Variants in PLCE1 observed in about 807,000 individuals in gnomAD.
The protein encoded by PLCE1 is 1-phosphatidylinositol 4,5-bisphosphate phosphodiesterase epsilon-1.
A neutral mutation model predicts 242.8 loss-of-function variants in PLCE1; 119 were observed. That is an observed-to-expected ratio of 0.49 (90% CI 0.42 to 0.57). The LOEUF is 0.57. Among genes scored for constraint, PLCE1 ranks in the 20% least tolerant of loss-of-function variants. The probability of loss-of-function intolerance (pLI) is 0.00; values close to 1 mark genes in which losing one functional copy is unlikely to be tolerated. For missense variants in PLCE1, 2,441 were observed against 2,788.8 expected (o/e 0.88, Z 2.81); for synonymous variants, 945 against 1,017.4 (o/e 0.93, Z 1.35).
chr10:94,309,507 A>G (rs529554960), intron 27 of PLCE1, among the ~76,000 whole-genome samples: 2 of 152,158 alleles, frequency 1.3e-5, no homozygotes, highest in South Asian at 2.1e-4. Flanking sequence ...ATGTTTTTCT[A>G]TAGAGATGGG....
intron 5 of PLCE1, among the ~76,000 whole-genome samples, chr10:94,233,681 C>T (rs575004275): frequency 1.1e-3 from 162 of 152,298 alleles, no homozygotes; most frequent in Admixed American, 1.8e-3. Flanking sequence ...GGCGCGGTGG[C>T]TCATGCCTGT....
intron 15 of PLCE1, 33 bp from the exon 16 acceptor site, chr10:94,265,760 C>A: frequency 6.2e-7 from 1 of 1,613,416 alleles, no homozygotes; most frequent in Non-Finnish European, 8.5e-7. Context: ...TGCATTTTTC[C>A]CATGCAGTCT....
At chr10:94,215,953 G>A (rs991587298) in intron 4 of PLCE1, among the ~76,000 whole-genome samples, 1 of 152,026 alleles carries the variant, frequency 6.6e-6, no homozygotes, top group Non-Finnish European at 1.5e-5. Flanking sequence ...CCAAGACAGA[G>A]CCACAAGAAA....
intron 4 of PLCE1, among the ~76,000 whole-genome samples, chr10:94,221,051 C>T (rs2049726254): frequency 6.6e-6 from 1 of 152,204 alleles, no homozygotes; most frequent in Non-Finnish European, 1.5e-5. Flanking sequence ...GAAATGACGC[C>T]TGATCTGACT....
At chr10:94,229,112 T>G (rs1036886858) in intron 5 of PLCE1, among the ~76,000 whole-genome samples, 58 of 149,344 alleles carry the variant, frequency 3.9e-4, no homozygotes, top group African/African-American at 1.3e-3. Context: ...AACCAGGAGG[T>G]GGAGGTTGCA....
chr10:94,020,054 G>A (rs1284155013), intron 1 of PLCE1, among the ~76,000 whole-genome samples: 2 of 152,114 alleles, frequency 1.3e-5, no homozygotes, highest in East Asian at 3.9e-4. Flanking sequence ...ATGTATTTAA[G>A]TATATGCTTA....
chr10:94,096,486 G>T (rs1424651136), intron 2 of PLCE1: 1 of 152,082 alleles, frequency 6.6e-6, no homozygotes, highest in African/African-American at 2.4e-5. Flanking sequence ...GAAAAAGGGG[G>T]AAAAGCCCTT....
chr10:94,031,760 G>A lies in PLCE1; in HGVS notation c.714G>A (p.Met238Ile). 1 of 1,613,716 alleles carries A rather than the reference G, an allele frequency of 6.2e-7. No homozygotes were observed. Among genetic ancestry groups the A allele is most frequent in the Non-Finnish European group, 8.5e-7 (1 of 1,179,862 alleles). ...ATGTGGCATATACCTGTAAACTGAT[G>A]GAATTGGCCAAAAATTGTGATAATA... ...KNYVAYTCKL[M>I]ELAKNCDNKN... Residue 238 changes from methionine to isoleucine, a missense_variant, in exon 2 of 33, where the codon ATG becomes ATA. By Grantham distance (10) the Met-to-Ile change is conservative. Transcript: ENST00000371380.
intron 3 of PLCE1, among the ~76,000 whole-genome samples, chr10:94,148,258 G>C (rs796350631): frequency 5.9e-5 from 9 of 152,272 alleles, no homozygotes; most frequent in African/African-American, 2.2e-4. Flanking sequence ...AAGAACAAAG[G>C]CTTAGATGCA....
chr10:94,128,669 TTCTCTC>T (rs1474434247), intron 2 of PLCE1, among the ~76,000 whole-genome samples: 1 of 152,242 alleles, frequency 6.6e-6, no homozygotes, highest in African/African-American at 2.4e-5. Context: ...GACTATGGCT[TTCTCTC>T]TATCCTCAGC....
At chr10:94,223,583 G>A (rs1479521983) in intron 4 of PLCE1, among the ~76,000 whole-genome samples, 2 of 152,136 alleles carry the variant, frequency 1.3e-5, no homozygotes, top group East Asian at 1.9e-4. Flanking sequence ...ACTGAGAAAA[G>A]CAAAAGGAAG....
intron 4 of PLCE1, among the ~76,000 whole-genome samples, chr10:94,197,968 G>A (rs936555547): frequency 3.5e-4 from 35 of 99,410 alleles, no homozygotes; most frequent in South Asian, 3.8e-4. Flanking sequence ...GGGTGACAGA[G>A]CAAGACTCTG....
At chr10:94,187,520 C>T (rs149620024) in intron 4 of PLCE1, among the ~76,000 whole-genome samples, 215 of 152,162 alleles carry the variant, frequency 1.4e-3, no homozygotes, top group Admixed American at 3.2e-3. Flanking sequence ...ACTGGATACC[C>T]GATGGCTCGG....
intron 4 of PLCE1, among the ~76,000 whole-genome samples, chr10:94,182,470 A>T (rs1324251251): frequency 6.7e-6 from 1 of 149,346 alleles, no homozygotes; most frequent in Non-Finnish European, 1.5e-5. Flanking sequence ...GGGTTTCACC[A>T]TGTTGGCCAG....
At chr10:94,223,234 A>C (rs1031662890) in intron 4 of PLCE1, among the ~76,000 whole-genome samples, 6 of 33,890 alleles carry the variant, frequency 1.8e-4, no homozygotes, top group African/African-American at 5.7e-4. Context: ...CCATCTCTAC[A>C]AAAAAAAAAA....
Position 94,285,241 on chromosome 10 carries a change from A to G in PLCE1, c.5035+276A>G, listed in dbSNP as rs80063146. Among the ~76,000 whole-genome samples, 3,679 of 152,266 alleles carry G rather than the reference A, an allele frequency of 0.024. 167 individuals are homozygous for G. Among genetic ancestry groups the G allele is most frequent in the African/African-American group, 0.084 (3,488 of 41,544 alleles). ...AATACTCATAATTTCTAATTGCTAA[A>G]TGTATTAAATACTTAAGTACTAGGA... On this transcript the variant is annotated intron_variant, in intron 22 of 32. Transcript: ENST00000371380.
chr10:94,067,966 T>G (rs114424649), intron 2 of PLCE1, among the ~76,000 whole-genome samples: 3,336 of 152,200 alleles, frequency 0.022, 112 homozygotes, highest in African/African-American at 0.065. Context: ...TAACCAGCAC[T>G]CCTAAGATAG....
At chr10:94,221,491 C>G (rs758840551) in intron 4 of PLCE1, among the ~76,000 whole-genome samples, 8 of 152,226 alleles carry the variant, frequency 5.3e-5, no homozygotes, top group Non-Finnish European at 8.8e-5. Context: ...AATCCCAGCA[C>G]TTTGGGAGGC....
At chr10:94,002,190 G>A (rs1265298491) in intron 1 of PLCE1, among the ~76,000 whole-genome samples, 1 of 152,138 alleles carries the variant, frequency 6.6e-6, no homozygotes, top group African/African-American at 2.4e-5. Flanking sequence ...AGCTATATAA[G>A]TTTGCAAAAA....
Sources: allele counts gnomAD v4.1 joint callset (sites outside exome capture counted in the v4.1 genomes callset), GRCh38; gene constraint gnomAD v4.1.1; transcripts MANE v1.5; gene names NCBI Gene and HGNC (gene_info 2026-07-23, HGNC 2026-07-21).